The following TRIM4 variants were observed in gnomAD, a reference collection of about 807,000 sequenced individuals.
TRIM4 encodes the protein tripartite motif containing 4, also known as E3 ubiquitin-protein ligase TRIM4.
In TRIM4, 29 loss-of-function variants were observed where a neutral mutation model predicts 33.7. The observed-to-expected ratio is 0.86, with a 90% confidence interval of 0.64 to 1.17. TRIM4 has a LOEUF of 1.17. TRIM4 is among the 50% of genes most tolerant of loss of function. The pLI, the probability that TRIM4 is intolerant of heterozygous loss-of-function variation, is 0.00. For synonymous variants in TRIM4, 224 were observed against 233.0 expected (o/e 0.96, Z 0.35); for missense variants, 554 against 593.7 (o/e 0.93, Z 0.69).
intron 5 of TRIM4, among the ~76,000 whole-genome samples, chr7:99,895,202 TTTTC>T (rs1467201878): frequency 6.6e-6 from 1 of 152,226 alleles, no homozygotes; most frequent in East Asian, 1.9e-4. Flanking sequence ...CACTATACAC[TTTTC>T]TTTAAGTTTT....
Position 99,901,930 on chromosome 7 carries a change from T to G in TRIM4, c.841+1288A>C, listed in dbSNP as rs554534036. ...CCAGTACTTTGCGAACTCTCACTACTTTGTTCTCCGTGAACTCCCAGGTCT... is the reference window on the plus strand; with the variant it reads ...CCAGTACTTTGCGAACTCTCACTACGTTGTTCTCCGTGAACTCCCAGGTCT... On this transcript the variant is annotated intron_variant, in intron 5 of 5. Transcript: ENST00000349062. 10 of 600,384 alleles carry G rather than the reference T, an allele frequency of 1.7e-5. No individual in the cohort carries two copies. In the African/African-American group the frequency reaches 1.9e-4, roughly 11 times the overall value. 37.2% of individuals were successfully genotyped at this position (600,384 alleles called of 1,614,324 possible). A position where few individuals can be genotyped will look rare whatever the true frequency, so the allele number is the denominator to read the frequency against.
chr7:99,891,726 A>G lies in TRIM4; in HGVS notation c.*437T>C, dbSNP rs1403385528. On this transcript the variant is annotated 3_prime_UTR_variant, in exon 6 of 6. Coordinates refer to ENST00000349062, the MANE Select transcript of TRIM4 (RefSeq NM_033091.3). ...GGTACTTCAGGCTGCAAGTAACCAA[A>G]TACAACTAAAATTGTCTTATACAAT... The G allele has an allele frequency of 6.2e-6, 1 of 161,572 alleles. No homozygotes were observed. The highest frequency in any genetic ancestry group is 1.4e-5 in the Non-Finnish European group (1 of 73,246). The allele number at this position is 161,572 out of a possible 1,614,324, so 10.0% of individuals were successfully genotyped here.
chr7:99,919,305 G>C lies in TRIM4; in HGVS notation c.97C>G (p.Arg33Gly), dbSNP rs372638521. The change falls in exon 1 of 6, where the codon CGC becomes GGC. Residue 33 changes from arginine (R) to glycine (G), a missense_variant. Arg to Gly is a moderately radical substitution (Grantham distance 125). This residue lies in a region of TRIM4 where 233 missense variants were observed against 203.1 expected (regional missense o/e 1.15). Transcript: ENST00000349062. The part of the protein sequence containing the change: ...VSIECGHNFC[R>G]GCLHRNWAPG... ...GCCCAGTTGCGGTGCAGGCAGCCGC[G>C]GCAGAAGTTGTGGCCGCACTCGATG... is the stretch of plus-strand genomic sequence containing the variant. 6.4e-7 allele frequency: 1 copy of C among 1,558,342 alleles called. No homozygotes were observed. The highest frequency in any genetic ancestry group is 1.9e-5 in the Admixed American group (1 of 52,306).
At chr7:99,894,920 C>T (rs1415443626) in intron 5 of TRIM4, among the ~76,000 whole-genome samples, 1 of 152,080 alleles carries the variant, frequency 6.6e-6, no homozygotes, top group Admixed American at 6.5e-5. Flanking sequence ...ATGATGTCAC[C>T]TTTCTCATTT....
At chr7:99,907,975 A>G (rs1163534528) in intron 3 of TRIM4, among the ~76,000 whole-genome samples, 2 of 152,224 alleles carry the variant, frequency 1.3e-5, no homozygotes, top group African/African-American at 4.8e-5. Flanking sequence ...AAGAAGCTAT[A>G]AGGACACTTT....
intron 5 of TRIM4, among the ~76,000 whole-genome samples, chr7:99,893,569 T>C (rs1818945296): frequency 6.6e-6 from 1 of 152,208 alleles, no homozygotes; most frequent in South Asian, 2.1e-4. Flanking sequence ...CTCTCGGGAC[T>C]AATCCACTTC....
chr7:99,909,714 T>A (rs192555811), intron 1 of TRIM4, 54 bp from the exon 2 acceptor site: 61 of 1,287,016 alleles, frequency 4.7e-5, no homozygotes, highest in Middle Eastern at 3.8e-4. Flanking sequence ...CATCATCATC[T>A]TCTTTTTTCT....
intron 5 of TRIM4, among the ~76,000 whole-genome samples, chr7:99,896,113 CT>C (rs1228241218): frequency 6.6e-6 from 1 of 152,024 alleles, no homozygotes; most frequent in African/African-American, 2.4e-5. Flanking sequence ...TTTTATTAAT[CT>C]TTTTTTATAA....
At chr7:99,900,946 T>C (rs367887507) in intron 5 of TRIM4, among the ~76,000 whole-genome samples, 2 of 152,348 alleles carry the variant, frequency 1.3e-5, no homozygotes, top group African/African-American at 4.8e-5. Context: ...TCAGGGTTTG[T>C]TGAGCATCTT....
intron 5 of TRIM4, among the ~76,000 whole-genome samples, chr7:99,896,197 T>C (rs1470335437): frequency 2.0e-5 from 3 of 152,216 alleles, no homozygotes; most frequent in African/African-American, 7.2e-5. Context: ...TGGTATCGTA[T>C]GGCAGATGCA....
chr7:99,910,707 T>G (rs1490131227), intron 1 of TRIM4, among the ~76,000 whole-genome samples: 1 of 152,372 alleles, frequency 6.6e-6, no homozygotes, highest in Middle Eastern at 3.4e-3. Context: ...AGAAATTTTA[T>G]GCATTTTTGC....
Position 99,919,396 on chromosome 7 carries a change from T to A in TRIM4, c.6A>T (p.Glu2Asp), listed in dbSNP as rs767817520. The change falls in exon 1 of 6, where the codon GAA becomes GAT. Residue 2 changes from glutamate (E) to aspartate (D), a missense_variant. By Grantham distance (45) the Glu-to-Asp change is conservative. Around this residue, in one of 3 missense-constraint regions of TRIM4, gnomAD observed 233 missense variants for 203.1 expected, o/e 1.15. Transcript: ENST00000349062. ...TCAACTCCTCCTGGATGTCCTCAGC[T>A]TCCATGCTGCTTCCCTGCCGCGGAG... M[E>D]AEDIQEELTC... The A allele has an allele frequency of 1.4e-5, 21 of 1,552,050 alleles. No individual in the cohort carries two copies. The highest frequency in any genetic ancestry group is 1.8e-5 in the Non-Finnish European group (21 of 1,151,744).
intron 5 of TRIM4, 47 bp downstream of exon 5, chr7:99,903,171 A>G: frequency 7.1e-7 from 1 of 1,404,278 alleles, no homozygotes; most frequent in African/African-American, 1.4e-5. Flanking sequence ...TTATTCTCCT[A>G]TTTGAAAGAT....
chr7:99,908,564 C>G lies in TRIM4; in HGVS notation c.720+18G>C, dbSNP rs778890595. 7 of 1,584,674 alleles carry G rather than the reference C, an allele frequency of 4.4e-6. No individual in the cohort carries two copies. In the Admixed American group the frequency reaches 8.7e-5, roughly 20 times the overall value. On this transcript the variant is annotated intron_variant, in intron 3 of 5. Transcript: ENST00000349062. Reference sequence around the variant, plus strand: ...CAGTTAGTGAAGATGAGATCACCCCCACTCGTAACTGTCTCACCTGAAGCA... The same window carrying G: ...CAGTTAGTGAAGATGAGATCACCCCGACTCGTAACTGTCTCACCTGAAGCA...
At chr7:99,912,465 G>A (rs555791951) in intron 1 of TRIM4, among the ~76,000 whole-genome samples, 1 of 150,144 alleles carries the variant, frequency 6.7e-6, no homozygotes, top group Non-Finnish European at 1.5e-5. Flanking sequence ...CAGAGGCAAA[G>A]GTTTCAGTGA....
At chr7:99,908,083 T>C (rs996560478) in intron 3 of TRIM4, among the ~76,000 whole-genome samples, 1 of 152,244 alleles carries the variant, frequency 6.6e-6, no homozygotes, top group South Asian at 2.1e-4. Flanking sequence ...GTTAGAATTA[T>C]AATCTTTTAA....
rs534067962 is a variant in TRIM4 at position 99,919,222 on chromosome 7, C to T, written c.180G>A (p.Ala60=). 2 of 1,517,992 alleles carry T rather than the reference C, an allele frequency of 1.3e-6. No individual in the cohort carries two copies. Among genetic ancestry groups the T allele is most frequent in the South Asian group, 1.2e-5 (1 of 80,098 alleles). The allele number at this position is 1,517,992 out of a possible 1,614,324, so 94.0% of individuals were successfully genotyped here. A position where few individuals can be genotyped will look rare whatever the true frequency, so the allele number is the denominator to read the frequency against. The change falls in exon 1 of 6, where the codon GCG becomes GCA. Residue 60 remains alanine, a synonymous_variant. Transcript: ENST00000349062. ...PECRHPSAPA[A]LRPNWALARL... is the part of the protein sequence containing the mutation. ...TGGCCAGGGCCCAGTTGGGTCGCAG[C>T]GCGGCGGGCGCCGATGGGTGCCGAC...
chr7:99,908,099 G>A (rs1224420204), intron 3 of TRIM4: 1 of 152,630 alleles, frequency 6.6e-6, no homozygotes, highest in Non-Finnish European at 1.5e-5. Flanking sequence ...TTTAAAGGTT[G>A]CTAGTCATTG....
chr7:99,894,620 T>C (rs934726623), intron 5 of TRIM4, among the ~76,000 whole-genome samples: 1 of 151,248 alleles, frequency 6.6e-6, no homozygotes, highest in East Asian at 1.9e-4. Context: ...TAAGCTGAGA[T>C]TGCACCACTG....
Sources: allele counts gnomAD v4.1 joint callset (sites outside exome capture counted in the v4.1 genomes callset), GRCh38; gene constraint gnomAD v4.1.1; regional missense constraint gnomAD v4.1.1; transcripts MANE v1.5; gene names NCBI Gene and HGNC (gene_info 2026-07-23, HGNC 2026-07-21).